Variants in ZNF423 observed in about 807,000 individuals in gnomAD.
ZNF423 encodes the protein zinc finger protein 423.
In ZNF423, 12 loss-of-function variants were observed where a neutral mutation model predicts 95.8. That is an observed-to-expected ratio of 0.13 (90% CI 0.08 to 0.20). The LOEUF (loss-of-function observed/expected upper bound fraction) is 0.20, where lower values mean the gene tolerates loss of function less well. ZNF423 is among the 10% of genes least tolerant of loss of function. The pLI is 1.00. For missense variants in ZNF423, 1,316 were observed against 1,737.1 expected (o/e 0.76, Z 4.31); for synonymous variants, 749 against 711.9 (o/e 1.05, Z -0.83).
At chr16:49,759,838 GA>G (rs1396583998) in intron 2 of ZNF423, among the ~76,000 whole-genome samples, 1 of 152,138 alleles carries the variant, frequency 6.6e-6, no homozygotes, top group Admixed American at 6.5e-5. Flanking sequence ...CTGTGCAGAT[GA>G]GACTAGGGTC....
intron 2 of ZNF423, among the ~76,000 whole-genome samples, chr16:49,738,120 A>G (rs549440769): frequency 6.6e-6 from 1 of 152,302 alleles, no homozygotes; most frequent in South Asian, 2.1e-4. Flanking sequence ...CATTCTTTCC[A>G]CAAATACTTA....
intron 1 of ZNF423, among the ~76,000 whole-genome samples, chr16:49,830,090 A>C (rs571621667): frequency 2.1e-4 from 32 of 152,332 alleles, no homozygotes; most frequent in Non-Finnish European, 3.7e-4. Flanking sequence ...CATGACATTA[A>C]AAAGAGCAAG....
chr16:49,655,626 G>T (rs935190037), intron 3 of ZNF423, among the ~76,000 whole-genome samples: 1 of 152,116 alleles, frequency 6.6e-6, no homozygotes, highest in Non-Finnish European at 1.5e-5. Context: ...GGGGATGGGC[G>T]CACCACCTTT....
intron 7 of ZNF423, among the ~76,000 whole-genome samples, chr16:49,517,514 T>C (rs537106947): frequency 2.0e-5 from 3 of 152,226 alleles, no homozygotes; most frequent in Non-Finnish European, 4.4e-5. Flanking sequence ...GCCTGGGTTT[T>C]CAAGGTGTGG....
At chr16:49,590,620 C>A (rs1970984174) in intron 5 of ZNF423, among the ~76,000 whole-genome samples, 1 of 152,106 alleles carries the variant, frequency 6.6e-6, no homozygotes, top group South Asian at 2.1e-4. Flanking sequence ...TTCCCCCAGC[C>A]CTGTGCTTCC....
chr16:49,700,556 T>A (rs1451126825), intron 3 of ZNF423, among the ~76,000 whole-genome samples: 1 of 152,036 alleles, frequency 6.6e-6, no homozygotes. Flanking sequence ...GGGAGGAAAA[T>A]CAGGCTGGAG....
intron 5 of ZNF423, among the ~76,000 whole-genome samples, chr16:49,579,718 C>T (rs1003171199): frequency 1.3e-5 from 2 of 152,128 alleles, no homozygotes; most frequent in Admixed American, 1.3e-4. Context: ...CATCCTTTCT[C>T]AAGGACCACC....
chr16:49,851,618 T>C (rs567651585), intron 1 of ZNF423, among the ~76,000 whole-genome samples: 6 of 152,316 alleles, frequency 3.9e-5, no homozygotes, highest in African/African-American at 1.4e-4. Flanking sequence ...TGCCACAACA[T>C]TGCCAGGGCT....
chr16:49,764,835 C>T (rs1215263308), intron 2 of ZNF423: 1 of 152,064 alleles, frequency 6.6e-6, no homozygotes, highest in Non-Finnish European at 1.5e-5. Flanking sequence ...CAACCTCCGT[C>T]TCCCAGGTTC....
intron 2 of ZNF423, among the ~76,000 whole-genome samples, chr16:49,750,732 T>C (rs2033618614): frequency 6.6e-6 from 1 of 152,192 alleles, no homozygotes; most frequent in African/African-American, 2.4e-5. Flanking sequence ...AATAAAATCA[T>C]TGCTGTGAGT....
intron 2 of ZNF423, among the ~76,000 whole-genome samples, chr16:49,753,904 G>A (rs1460506641): frequency 2.0e-5 from 3 of 152,004 alleles, no homozygotes; most frequent in Non-Finnish European, 2.9e-5. Context: ...GGTGGCGGGC[G>A]CCTGTAATCC....
chr16:49,655,684 G>T (rs191975064), intron 3 of ZNF423, among the ~76,000 whole-genome samples: 1 of 152,142 alleles, frequency 6.6e-6, no homozygotes, highest in Admixed American at 6.5e-5. Flanking sequence ...GGAATAAATT[G>T]CCATGTCCTC....
intron 7 of ZNF423, among the ~76,000 whole-genome samples, chr16:49,507,194 A>G (rs1057084269): frequency 6.6e-6 from 1 of 152,206 alleles, no homozygotes; most frequent in Admixed American, 6.5e-5. Context: ...ACATATGTAA[A>G]AGGTTTTATA....
chr16:49,613,704 C>A (rs1009572377), intron 5 of ZNF423, among the ~76,000 whole-genome samples: 6 of 152,074 alleles, frequency 3.9e-5, no homozygotes, highest in Non-Finnish European at 8.8e-5. Context: ...GATCTTGTCT[C>A]TAAAAACAAA....
Position 49,636,460 on chromosome 16 carries a change from C to G in ZNF423, c.2716G>C (p.Glu906Gln). ...CDICGAAYTM[E>Q]VLLQNHRLRD... The stretch of plus-strand genomic sequence containing the variant: ...AGCCGGTGATTCTGCAGCAGCACCT[C>G]CATGGTGTAGGCCGCCCCACAGATG... The change falls in exon 4 of 8, where the codon GAG becomes CAG. Residue 906 changes from glutamate to glutamine, a missense_variant. Coordinates refer to ENST00000563137, the MANE Select transcript of ZNF423 (RefSeq NM_001379286.1). This position sits in a 1 kb window ranked among gnomAD's most constrained non-coding sequence, Gnocchi z 8.6. 1 of 1,613,578 alleles carries G rather than the reference C, an allele frequency of 6.2e-7. No individual in the cohort carries two copies. Among genetic ancestry groups the G allele is most frequent in the Non-Finnish European group, 8.5e-7 (1 of 1,180,016 alleles).
At position 49,635,845 on chromosome 16, in the gene ZNF423, G is replaced by C. The variant is rs1261975933; in HGVS notation, c.3331C>G (p.Gln1111Glu). 2 of 1,600,486 alleles carry C rather than the reference G, an allele frequency of 1.2e-6. No individual in the cohort carries two copies. The highest frequency in any genetic ancestry group is 2.2e-5 in the South Asian group (2 of 89,302). ...TCGGGCGGGGCCAGGCCACCCACCT[G>C]TCCGTTGGCGCTGCGGGCCATGCAG... ...AGCMARSANG[Q>E]VGGLAPPEPA... Residue 1111 changes from glutamine (Q) to glutamate (E), a missense_variant, in exon 4 of 8, where the codon CAG becomes GAG. Coordinates refer to ENST00000563137, the MANE Select transcript of ZNF423 (RefSeq NM_001379286.1). The surrounding 1 kb of genome is among the most constrained non-coding windows in gnomAD (Gnocchi z 4.8).
At chr16:49,577,146 G>A (rs949155007) in intron 5 of ZNF423, among the ~76,000 whole-genome samples, 1 of 152,190 alleles carries the variant, frequency 6.6e-6, no homozygotes, top group African/African-American at 2.4e-5. Flanking sequence ...GCTGGCGTGG[G>A]GGGGTGGGGT....
intron 3 of ZNF423, among the ~76,000 whole-genome samples, chr16:49,654,817 C>A (rs575414905): frequency 1.3e-5 from 2 of 152,210 alleles, no homozygotes; most frequent in Non-Finnish European, 2.9e-5. Context: ...TCCAGCATTT[C>A]AGCAAAAGAG....
At chr16:49,498,210 C>T (rs879551425) in intron 7 of ZNF423, among the ~76,000 whole-genome samples, 1 of 152,194 alleles carries the variant, frequency 6.6e-6, no homozygotes, top group Non-Finnish European at 1.5e-5. Flanking sequence ...GACTGCCCTG[C>T]GCATTAAATA....
Sources: allele counts gnomAD v4.1 joint callset (sites outside exome capture counted in the v4.1 genomes callset), GRCh38; gene constraint gnomAD v4.1.1; non-coding constraint Gnocchi (gnomAD v3.1); transcripts MANE v1.5; gene names NCBI Gene and HGNC (gene_info 2026-07-23, HGNC 2026-07-21).